Variants in TRPC4AP observed in about 807,000 individuals in gnomAD.
TRPC4AP encodes the protein short transient receptor potential channel 4-associated protein.
TRPC4AP carries 45 observed loss-of-function variants against 99.0 expected under a neutral mutation model. That is an observed-to-expected ratio of 0.45 (90% confidence interval 0.36 to 0.58). The LOEUF (loss-of-function observed/expected upper bound fraction) is 0.58. Ranked by LOEUF, TRPC4AP falls within the 20% of genes least tolerant of loss-of-function variation. TRPC4AP has a pLI of 0.00. For missense variants in TRPC4AP, 879 were observed against 985.3 expected (o/e 0.89, Z 1.44); for synonymous variants, 408 against 385.8 (o/e 1.06, Z -0.67).
intron 1 of TRPC4AP, among the ~76,000 whole-genome samples, chr20:35,086,461 GTGTGT>G (rs2084856594): frequency 1.7e-5 from 1 of 57,316 alleles, no homozygotes; most frequent in Non-Finnish European, 3.5e-5. Context: ...GTGTGTGTGT[GTGTGT>G]GTGTGTGTGT....
At chr20:35,061,678 G>A (rs978483795) in intron 3 of TRPC4AP, among the ~76,000 whole-genome samples, 3 of 152,112 alleles carry the variant, frequency 2.0e-5, no homozygotes, top group African/African-American at 4.8e-5. Context: ...AATGAAACTG[G>A]ACCCCTGCCT....
At chr20:35,017,965 T>C (rs145733793) in intron 9 of TRPC4AP, among the ~76,000 whole-genome samples, 1 of 152,174 alleles carries the variant, frequency 6.6e-6, no homozygotes, top group Non-Finnish European at 1.5e-5. Context: ...AGCCTGGATC[T>C]ACCTTGCCCT....
rs191269294 is a variant in TRPC4AP, at chr20:35,040,841, C to T, written c.865+3664G>A. On this transcript the variant is annotated intron_variant, in intron 7 of 18. Coordinates refer to ENST00000252015, the MANE Select transcript of TRPC4AP (RefSeq NM_015638.3). ...GTGAGCCAATTCCCCTAACAAATCCCACCTCATAAATCCTACTGCTTCTGT... is the reference window on the plus strand; with the variant it reads ...GTGAGCCAATTCCCCTAACAAATCCTACCTCATAAATCCTACTGCTTCTGT... 7.9e-5 allele frequency among the ~76,000 whole-genome samples: 12 copies of T among 152,292 alleles called. No homozygotes were observed. The East Asian group carries it at 2.1e-3, about 27-fold the overall frequency.
chr20:35,060,585 CAAAAAAAAAAA>C (rs35143678), intron 3 of TRPC4AP, among the ~76,000 whole-genome samples: 6 of 70,384 alleles, frequency 8.5e-5, no homozygotes, highest in East Asian at 4.3e-4. Context: ...ACCTTGTCTC[CAAAAAAAAAAA>C]AAAAAAAAAA....
chr20:35,084,988 C>G (rs192041157), intron 1 of TRPC4AP, among the ~76,000 whole-genome samples: 1 of 152,054 alleles, frequency 6.6e-6, no homozygotes, highest in African/African-American at 2.4e-5. Context: ...AAGAAGGAAT[C>G]GAATGTGTGA....
At chr20:35,018,689 A>G (rs1310949242) in intron 9 of TRPC4AP, among the ~76,000 whole-genome samples, 1 of 152,012 alleles carries the variant, frequency 6.6e-6, no homozygotes, top group Non-Finnish European at 1.5e-5. Context: ...TACTTGTAGA[A>G]TGCATTATTC....
intron 7 of TRPC4AP, among the ~76,000 whole-genome samples, chr20:35,040,951 G>A (rs1045235879): frequency 6.8e-6 from 1 of 148,062 alleles, no homozygotes; most frequent in Non-Finnish European, 1.5e-5. Flanking sequence ...CGAGAGGACT[G>A]GTGTCCTTCT....
intron 1 of TRPC4AP, among the ~76,000 whole-genome samples, chr20:35,084,321 C>T (rs1180764645): frequency 6.6e-6 from 1 of 151,164 alleles, no homozygotes; most frequent in Non-Finnish European, 1.5e-5. Flanking sequence ...ATGCATTATA[C>T]CTGACTTCAC....
intron 6 of TRPC4AP, among the ~76,000 whole-genome samples, 157 bp downstream of exon 6, chr20:35,049,709 G>A (rs2083650412): frequency 6.6e-6 from 1 of 152,144 alleles, no homozygotes; most frequent in Admixed American, 6.6e-5. Context: ...AGAACCACTA[G>A]TATAAGGGGT....
chr20:35,015,461 C>A (rs1461364600), intron 10 of TRPC4AP, among the ~76,000 whole-genome samples: 1 of 126,128 alleles, frequency 7.9e-6, no homozygotes, highest in African/African-American at 3.0e-5. Context: ...CAGGCAGGAA[C>A]TTTTTTTTTT....
At chr20:35,011,670 G>A (rs2082640875) in intron 11 of TRPC4AP, among the ~76,000 whole-genome samples, 1 of 152,008 alleles carries the variant, frequency 6.6e-6, no homozygotes, top group African/African-American at 2.4e-5. Context: ...GTCCTGTGCA[G>A]CCCAGCCCAG....
intron 13 of TRPC4AP, 54 bp from the exon 14 acceptor site, chr20:35,007,694 T>C: frequency 6.3e-7 from 1 of 1,578,084 alleles, no homozygotes; most frequent in Admixed American, 1.7e-5. Flanking sequence ...CCGGCCCATG[T>C]TCAGTTCTCC....
chr20:35,038,183 G>A (rs180830928), intron 7 of TRPC4AP, among the ~76,000 whole-genome samples: 3 of 150,500 alleles, frequency 2.0e-5, no homozygotes, highest in South Asian at 2.1e-4. Context: ...ACTAAATGCC[G>A]CTGAGTTGTT....
rs34091819 is a variant in TRPC4AP, at chr20:35,051,033, TACACAC to T, written c.529-1045_529-1040del. Among the ~76,000 whole-genome samples, 276 of 144,984 alleles carry T rather than the reference TACACAC, an allele frequency of 1.9e-3. 1 individual carries two copies. Among genetic ancestry groups the T allele is most frequent in the African/African-American group, 3.7e-3 (147 of 39,382 alleles). ...AAGAAACTGCAGTACTGCTATAGCTTACACACACACACACACACACACACACACACA... is the reference window on the plus strand; with the variant it reads ...AAGAAACTGCAGTACTGCTATAGCTTACACACACACACACACACACACACA... On this transcript the variant is annotated intron_variant, in intron 5 of 18. Coordinates refer to ENST00000252015, the MANE Select transcript of TRPC4AP (RefSeq NM_015638.3).
In TRPC4AP at chr20:35,046,102, TTGTC is replaced by T. The variant is rs11467773; in HGVS notation, c.658-1394_658-1391del. On this transcript the variant is annotated intron_variant, in intron 6 of 18. Transcript: ENST00000252015. ...TTATCCAGAGTGAGAGCAAGAATTC[TTGTC>T]TTTTTCTTGACTTTACCAGAAATAA... Among the ~76,000 whole-genome samples, 1,271 of 152,356 alleles carry T rather than the reference TTGTC, an allele frequency of 8.3e-3. 19 individuals are homozygous for T. Among genetic ancestry groups the T allele is most frequent in the African/African-American group, 0.029 (1,208 of 41,578 alleles).
intron 8 of TRPC4AP, among the ~76,000 whole-genome samples, chr20:35,031,169 G>C (rs141677317): frequency 1.3e-5 from 2 of 152,022 alleles, no homozygotes; most frequent in African/African-American, 4.8e-5. Flanking sequence ...AATCTTATTG[G>C]AATATCCTTG....
At position 35,034,002 on chromosome 20, in the gene TRPC4AP, G is replaced by A. The variant is rs1279413882; in HGVS notation, c.1051+1121C>T. Among the ~76,000 whole-genome samples, 5 of 53,558 alleles carry A rather than the reference G, an allele frequency of 9.3e-5. 2 individuals are homozygous for A. Among genetic ancestry groups the A allele is most frequent in the African/African-American group, 3.0e-4 (5 of 16,746 alleles). The allele number at this position is 53,558 out of a possible 152,430, so 35.1% of individuals were successfully genotyped here. A position where few individuals can be genotyped will look rare whatever the true frequency, so the allele number is the denominator to read the frequency against. On this transcript the variant is annotated intron_variant, in intron 8 of 18. Coordinates refer to ENST00000252015, the MANE Select transcript of TRPC4AP (RefSeq NM_015638.3). ...CTACTAAAAATACAAAAAATTAGCCGGGCGCGGTGGCGGGCGCCTGTAGTC... is the reference window on the plus strand; with the variant it reads ...CTACTAAAAATACAAAAAATTAGCCAGGCGCGGTGGCGGGCGCCTGTAGTC...
chr20:35,035,334 A>T (rs1015535459), intron 7 of TRPC4AP, 26 bp from the exon 8 acceptor site: 3 of 1,604,938 alleles, frequency 1.9e-6, no homozygotes, highest in Non-Finnish European at 1.7e-6. Context: ...CAAGCGAGGA[A>T]ATTTTCAAAA....
At chr20:35,049,674 T>C (rs561861786) in intron 6 of TRPC4AP, among the ~76,000 whole-genome samples, 192 bp downstream of exon 6, 1 of 152,324 alleles carries the variant, frequency 6.6e-6, no homozygotes, top group South Asian at 2.1e-4. Context: ...TCAATGTATG[T>C]CTGTTTAGGT....
Sources: gnomAD v4.1 joint callset for allele counts (sites outside exome capture counted in the v4.1 genomes callset) on GRCh38, gnomAD v4.1.1 for gene constraint, MANE v1.5 for transcripts, NCBI Gene and HGNC (gene_info 2026-07-23, HGNC 2026-07-21) for gene names.